Variants in ACOXL observed in about 807,000 individuals in gnomAD.
ACOXL encodes the protein acyl-CoA oxidase like, also known as acyl-coenzyme A oxidase-like protein.
In ACOXL, 70 loss-of-function variants were observed where a neutral mutation model predicts 71.9. The ratio of observed to expected loss-of-function variants is 0.97; its 90% CI spans 0.80 to 1.19. The LOEUF (loss-of-function observed/expected upper bound fraction) is 1.19. Ranked by LOEUF, ACOXL falls within the 50% of genes most tolerant of loss-of-function variation. The pLI is 0.00. For synonymous variants in ACOXL, 253 were observed against 281.6 expected, an observed-to-expected ratio of 0.90 and a Z score of 1.02; for missense variants, 703 against 736.3, an observed-to-expected ratio of 0.95 and a Z score of 0.52.
At chr2:111,067,236 T>A (rs1414613338) in intron 16 of ACOXL, among the ~76,000 whole-genome samples, 1 of 152,152 alleles carries the variant, frequency 6.6e-6, no homozygotes, top group Non-Finnish European at 1.5e-5. Flanking sequence ...TTTGGCAGTC[T>A]TTTAAAACTC....
At chr2:110,918,094 T>TA (rs1263983256) in intron 11 of ACOXL, among the ~76,000 whole-genome samples, 2 of 152,210 alleles carry the variant, frequency 1.3e-5, no homozygotes, top group African/African-American at 4.8e-5. Flanking sequence ...AGAGTCCGCA[T>TA]AGCCAAGACA....
intron 11 of ACOXL, among the ~76,000 whole-genome samples, chr2:110,919,194 G>A (rs2059973616): frequency 6.6e-6 from 1 of 152,142 alleles, no homozygotes; most frequent in South Asian, 2.1e-4. Flanking sequence ...AAGGAAATGT[G>A]GCACATATAC....
rs367806536 is a variant in ACOXL, at chr2:110,755,743, A to C, written c.-22-12625A>C. ...CTTTTTAACTATGCAATTTAAAATA[A>C]AATTTAAACATTTATTTGAAATAGG... On this transcript the variant is annotated intron_variant, in intron 1 of 17. Transcript: ENST00000439055. Among the ~76,000 whole-genome samples the C allele has an allele frequency of 2.0e-5, 3 of 152,236 alleles. No homozygotes were observed. In the East Asian group the frequency reaches 5.8e-4, roughly 29 times the overall value.
chr2:110,778,809 A>G (rs1348460453), intron 2 of ACOXL, among the ~76,000 whole-genome samples: 3 of 152,208 alleles, frequency 2.0e-5, no homozygotes, highest in African/African-American at 7.2e-5. Context: ...ATCTCTCACA[A>G]TGTAGAATAA....
chr2:110,881,221 G>A (rs549475282), intron 10 of ACOXL, among the ~76,000 whole-genome samples: 14 of 151,604 alleles, frequency 9.2e-5, no homozygotes, highest in Non-Finnish European at 1.9e-4. Flanking sequence ...TAGATATACA[G>A]GAGGTTGCTT....
intron 10 of ACOXL, among the ~76,000 whole-genome samples, 183 bp downstream of exon 10, chr2:110,841,588 G>T (rs1017259038): frequency 6.6e-6 from 1 of 152,108 alleles, no homozygotes; most frequent in Non-Finnish European, 1.5e-5. Flanking sequence ...GAGGAACGAG[G>T]TCTTTGTGAA....
chr2:111,029,224 C>T (rs2065152859), intron 14 of ACOXL, among the ~76,000 whole-genome samples: 1 of 152,194 alleles, frequency 6.6e-6, no homozygotes, highest in Admixed American at 6.5e-5. Flanking sequence ...AAGCAAAGAA[C>T]AGCCATATCA....
chr2:110,775,864 A>T (rs1451243368), intron 2 of ACOXL, among the ~76,000 whole-genome samples: 1 of 152,250 alleles, frequency 6.6e-6, no homozygotes, highest in Non-Finnish European at 1.5e-5. Flanking sequence ...TCCTTAAAGA[A>T]TTAAATGTAG....
intron 1 of ACOXL, among the ~76,000 whole-genome samples, chr2:110,757,324 A>G (rs754138169): frequency 6.6e-6 from 1 of 152,124 alleles, no homozygotes; most frequent in Non-Finnish European, 1.5e-5. Flanking sequence ...GGTTGATTCC[A>G]TGTCTTTGCT....
At chr2:110,763,660 G>C (rs1680684396) in intron 1 of ACOXL, among the ~76,000 whole-genome samples, 1 of 152,170 alleles carries the variant, frequency 6.6e-6, no homozygotes, top group Non-Finnish European at 1.5e-5. Context: ...AACACCAAAG[G>C]CATGGTCTAT....
intron 2 of ACOXL, among the ~76,000 whole-genome samples, chr2:110,776,177 TA>T (rs1682622001): frequency 6.6e-6 from 1 of 152,200 alleles, no homozygotes; most frequent in African/African-American, 2.4e-5. Context: ...CACAAAAAGA[TA>T]AATACGGTAC....
intron 1 of ACOXL, among the ~76,000 whole-genome samples, chr2:110,733,682 A>T (rs1676477737): frequency 6.6e-6 from 1 of 152,144 alleles, no homozygotes; most frequent in Non-Finnish European, 1.5e-5. Context: ...TCCTTGGAGA[A>T]TCTGGGGTTC....
rs1289767908 is a variant in ACOXL, at chr2:111,117,710, G to GA, written c.1639dup (p.Ile547AsnfsTer94). On this transcript the variant is annotated frameshift_variant, in exon 18 of 18. Coordinates refer to ENST00000439055, the MANE Select transcript of ACOXL (RefSeq NM_001142807.4). LOFTEE classifies it low-confidence loss of function (END_TRUNC). ...ACCTACCTCCACGCACCAATCGCCG[G>GA]AATCTCCAACCCGCGGGCCGCGTGG... 3 of 1,551,750 alleles carry GA rather than the reference G, an allele frequency of 1.9e-6. No individual in the cohort carries two copies. The East Asian group carries it at 7.3e-5, about 38-fold the overall frequency.
chr2:110,810,301 A>G (rs1687150512), intron 9 of ACOXL, among the ~76,000 whole-genome samples: 1 of 151,956 alleles, frequency 6.6e-6, no homozygotes, highest in Admixed American at 6.5e-5. Context: ...TCACAGATTG[A>G]TCTCATTTTG....
intron 1 of ACOXL, among the ~76,000 whole-genome samples, chr2:110,734,372 C>T (rs886341153): frequency 6.6e-6 from 1 of 151,826 alleles, no homozygotes; most frequent in Non-Finnish European, 1.5e-5. Flanking sequence ...TGGGTTCAAG[C>T]GATTCTCCTG....
chr2:110,954,871 G>T (rs1340782119), intron 12 of ACOXL, among the ~76,000 whole-genome samples: 1 of 152,080 alleles, frequency 6.6e-6, no homozygotes, highest in Non-Finnish European at 1.5e-5. Flanking sequence ...GTCTATAGAG[G>T]TTACATATTG....
chr2:110,840,375 G>A (rs1425972016), intron 9 of ACOXL, among the ~76,000 whole-genome samples: 10 of 152,108 alleles, frequency 6.6e-5, no homozygotes, highest in Admixed American at 5.9e-4. Flanking sequence ...CCTGTATATA[G>A]TGCTATTAGT....
chr2:111,115,449 TC>T (rs2070282625), intron 17 of ACOXL: 1 of 152,242 alleles, frequency 6.6e-6, no homozygotes, highest in Admixed American at 6.5e-5. Context: ...TGAGACCTGT[TC>T]CTGTAGTGTG....
chr2:110,820,622 TGAG>T (rs1194878116), intron 9 of ACOXL, among the ~76,000 whole-genome samples: 2 of 152,040 alleles, frequency 1.3e-5, no homozygotes, highest in Non-Finnish European at 2.9e-5. Flanking sequence ...AGCGATAGAC[TGAG>T]GAGGAGAGAG....
Sources: gnomAD v4.1 joint callset for allele counts (sites outside exome capture counted in the v4.1 genomes callset) on GRCh38, gnomAD v4.1.1 for gene constraint, MANE v1.5 for transcripts, NCBI Gene and HGNC (gene_info 2026-07-23, HGNC 2026-07-21) for gene names.